The following ACTR3C variants were observed in gnomAD, a reference collection of about 807,000 sequenced individuals.
The protein encoded by ACTR3C is actin-related protein 3C.
Under a neutral mutation model 26.3 loss-of-function variants are expected in ACTR3C, and 18 were observed. The observed-to-expected ratio is 0.68, with a 90% CI of 0.47 to 1.01. The LOEUF (loss-of-function observed/expected upper bound fraction) is 1.01, where lower values mean the gene tolerates loss of function less well. Among genes scored for constraint, ACTR3C ranks in the 50% least tolerant of loss-of-function variants. ACTR3C has a pLI of 0.00. For missense variants in ACTR3C, 184 were observed against 250.7 expected (o/e 0.73, Z 1.80); for synonymous variants, 55 against 94.5 (o/e 0.58, Z 2.42).
chr7:150,110,755 G>C, the ACTR3C span, among the ~76,000 whole-genome samples: 2 of 145,514 alleles, frequency 1.4e-5, no homozygotes, highest in African/African-American at 5.2e-5. Context: ...GCAGGGGGCG[G>C]GGCTTGCTGG....
chr7:149,966,940 C>T, the ACTR3C span, among the ~76,000 whole-genome samples: 1 of 151,676 alleles, frequency 6.6e-6, no homozygotes, highest in Non-Finnish European at 1.5e-5. Context: ...CGGCTCACTG[C>T]AACCTCCACC....
At chr7:150,004,128 T>C in the ACTR3C span, among the ~76,000 whole-genome samples, 1 of 151,486 alleles carries the variant, frequency 6.6e-6, no homozygotes, top group Non-Finnish European at 1.5e-5. Flanking sequence ...GGTATGTAAG[T>C]TGTGTGGCAT....
chr7:149,901,936 A>G, the ACTR3C span, among the ~76,000 whole-genome samples: 2 of 148,040 alleles, frequency 1.4e-5, no homozygotes, highest in African/African-American at 2.5e-5. Context: ...AAAAAAAAAA[A>G]AAAAGAACAA....
the ACTR3C span, among the ~76,000 whole-genome samples, chr7:150,180,279 C>T: frequency 4.7e-4 from 70 of 149,366 alleles, no homozygotes; most frequent in East Asian, 9.9e-4. Context: ...CACTCCAGCC[C>T]GGGCGACAGA....
At chr7:150,289,629 T>C in intron 3 of ACTR3C, 36 bp from the exon 4 acceptor site, 1 of 1,568,088 alleles carries the variant, frequency 6.4e-7, no homozygotes. Context: ...GCTGTGTTAG[T>C]GATTTCGTGG....
the ACTR3C span, among the ~76,000 whole-genome samples, chr7:150,131,830 G>T: frequency 6.6e-6 from 1 of 152,216 alleles, no homozygotes; most frequent in Non-Finnish European, 1.5e-5. Context: ...TGGATCAACA[G>T]ATAAAGAAAA....
chr7:150,204,957 T>G, the ACTR3C span, among the ~76,000 whole-genome samples: 1 of 152,148 alleles, frequency 6.6e-6, no homozygotes, highest in African/African-American at 2.4e-5. Flanking sequence ...TGTCTTCCCT[T>G]CCCCAGTGCA....
the ACTR3C span, among the ~76,000 whole-genome samples, chr7:150,025,832 T>G: frequency 2.0e-5 from 3 of 151,992 alleles, no homozygotes; most frequent in African/African-American, 7.3e-5. Flanking sequence ...CTTAGTCTGA[T>G]GCAGACTGAG....
chr7:149,929,488 G>T, the ACTR3C span, among the ~76,000 whole-genome samples: 13 of 140,418 alleles, frequency 9.3e-5, 1 homozygote, highest in South Asian at 3.1e-3. Context: ...GGTGAAAGTT[G>T]AAGAATAGAG....
the ACTR3C span, among the ~76,000 whole-genome samples, chr7:150,037,779 T>G: frequency 5.0e-5 from 2 of 40,262 alleles, no homozygotes; most frequent in African/African-American, 6.5e-5. Flanking sequence ...CTCCCCCTCC[T>G]GCGATGGGGG....
At chr7:150,250,389 G>A (rs929939736) in intron 6 of ACTR3C, among the ~76,000 whole-genome samples, 5 of 151,622 alleles carry the variant, frequency 3.3e-5, no homozygotes, top group African/African-American at 1.2e-4. Flanking sequence ...ATTTTTACTA[G>A]AGACGGGGTT....
At chr7:150,041,752 G>C in the ACTR3C span, among the ~76,000 whole-genome samples, 7 of 56,262 alleles carry the variant, frequency 1.2e-4, no homozygotes, top group Middle Eastern at 8.3e-3. Flanking sequence ...TAAGAGCCAG[G>C]GGGGGGAAGA....
At chr7:150,165,865 G>A in the ACTR3C span, among the ~76,000 whole-genome samples, 1 of 151,384 alleles carries the variant, frequency 6.6e-6, no homozygotes, top group African/African-American at 2.5e-5. Flanking sequence ...CGTGGAGCAT[G>A]TGCAAGGAGA....
At chr7:150,321,417 G>A (rs781075414) in intron 1 of ACTR3C, among the ~76,000 whole-genome samples, 17 of 152,220 alleles carry the variant, frequency 1.1e-4, no homozygotes, top group African/African-American at 2.6e-4. Context: ...TTCCATCTCC[G>A]AGGCATGGAG....
At chr7:150,186,366 A>C in the ACTR3C span, among the ~76,000 whole-genome samples, 2 of 152,256 alleles carry the variant, frequency 1.3e-5, no homozygotes, top group East Asian at 3.9e-4. Flanking sequence ...ATATTTATTG[A>C]TTTTTCTCCA....
At chr7:150,042,595 C>T in the ACTR3C span, among the ~76,000 whole-genome samples, 1 of 145,434 alleles carries the variant, frequency 6.9e-6, no homozygotes, top group African/African-American at 2.7e-5. Context: ...CCTCCCCCCA[C>T]TGCGATGGGA....
chr7:150,017,466 C>A, the ACTR3C span, among the ~76,000 whole-genome samples: 1 of 143,584 alleles, frequency 7.0e-6, no homozygotes, highest in African/African-American at 2.8e-5. Context: ...ACCAACTGTG[C>A]CATTGTGCAG....
the ACTR3C span, among the ~76,000 whole-genome samples, chr7:149,981,633 C>A: frequency 6.6e-6 from 1 of 150,796 alleles, no homozygotes; most frequent in African/African-American, 2.4e-5. Context: ...GGGGACAGCA[C>A]CTCCCATATA....
chr7:149,916,815 T>C, the ACTR3C span, among the ~76,000 whole-genome samples: 4 of 151,336 alleles, frequency 2.6e-5, no homozygotes, highest in African/African-American at 9.7e-5. Context: ...TGAGACCTTT[T>C]CTCATACAGA....
Sources: allele counts gnomAD v4.1 joint callset (sites outside exome capture counted in the v4.1 genomes callset), GRCh38; gene constraint gnomAD v4.1.1; transcripts MANE v1.5; gene names NCBI Gene and HGNC (gene_info 2026-07-23, HGNC 2026-07-21).